The following DSC3 variants were observed in gnomAD, a reference collection of about 807,000 sequenced individuals.
DSC3 encodes the protein desmocollin-3.
In DSC3, 97 loss-of-function variants were observed where a neutral mutation model predicts 89.5. That is an observed-to-expected ratio of 1.08 (90% confidence interval 0.92 to 1.28). The LOEUF (loss-of-function observed/expected upper bound fraction) is 1.28. Among genes scored for constraint, DSC3 ranks in the 50% most tolerant of loss-of-function variants. The probability of loss-of-function intolerance (pLI) is 0.00; values close to 1 mark genes in which losing one functional copy is unlikely to be tolerated. For synonymous variants in DSC3, 436 were observed against 384.1 expected (o/e 1.14, Z -1.58); for missense variants, 1,199 against 1,085.3 (o/e 1.10, Z -1.47).
intron 4 of DSC3, among the ~76,000 whole-genome samples, chr18:31,026,604 G>T (rs572272539): frequency 1.4e-4 from 21 of 152,112 alleles, no homozygotes; most frequent in Admixed American, 5.9e-4. Context: ...ATAATTTAAA[G>T]GTACAGCCAT....
In DSC3 at chr18:31,039,669, A is replaced by G. The variant is rs117637918; in HGVS notation, c.69+2923T>C. ...TATCATACTTTCAGCGGAAAGTATG[A>G]TTAACTACAGGTCACCACAGATACC... On this transcript the variant is annotated intron_variant, in intron 1 of 15. Coordinates refer to ENST00000360428, the MANE Select transcript of DSC3 (RefSeq NM_001941.5). 7.8e-4 allele frequency among the ~76,000 whole-genome samples: 119 copies of G among 152,284 alleles called. 2 individuals are homozygous for G. In the East Asian group the frequency reaches 0.022, roughly 28 times the overall value.
rs917060863 is a variant in DSC3 at position 31,005,389 on chromosome 18, G to C, written c.1889-1023C>G. Reference sequence around the variant, plus strand: ...CCTTCATATTGTCCTCCTGTCAACAGTGTCACCTTTAAAAGATGTAAATCT... The same window carrying C: ...CCTTCATATTGTCCTCCTGTCAACACTGTCACCTTTAAAAGATGTAAATCT... On this transcript the variant is annotated intron_variant, in intron 12 of 15. Transcript: ENST00000360428. Among the ~76,000 whole-genome samples, 8 of 152,272 alleles carry C rather than the reference G, an allele frequency of 5.3e-5. No individual in the cohort carries two copies. In the East Asian group the frequency reaches 1.4e-3, roughly 26 times the overall value.
At chr18:31,008,774 T>A (rs1293148024) in intron 9 of DSC3, among the ~76,000 whole-genome samples, 1 of 152,194 alleles carries the variant, frequency 6.6e-6, no homozygotes, top group African/African-American at 2.4e-5. Context: ...TATTTTCATA[T>A]TTCACTCTTA....
chr18:31,006,446 C>T (rs1487280340), intron 12 of DSC3, among the ~76,000 whole-genome samples: 2 of 151,972 alleles, frequency 1.3e-5, no homozygotes, highest in East Asian at 3.9e-4. Flanking sequence ...ATTACAGGTG[C>T]CTGCCACCAC....
At chr18:31,001,783 T>C in intron 13 of DSC3, 44 bp from the exon 14 acceptor site, 2 of 1,413,764 alleles carry the variant, frequency 1.4e-6, no homozygotes, top group Non-Finnish European at 1.9e-6. Context: ...TTAGCATACA[T>C]AGAATAAAAT....
chr18:31,030,940 A>AG lies in DSC3; in HGVS notation c.354+32_354+33insC. On this transcript the variant is annotated intron_variant, in intron 3 of 15. Transcript: ENST00000360428. ...TTTAATAAGAGTATTTTAATGAAAA[A>AG]ATGACTGAAAATATTTAATGTACTT... is the stretch of plus-strand genomic sequence containing the variant. The AG allele has an allele frequency of 3.8e-6, 6 of 1,590,074 alleles. No individual in the cohort carries two copies. In the Admixed American group the frequency reaches 1.0e-4, roughly 27 times the overall value.
In DSC3 at chr18:31,002,386, C is replaced by G. The variant is rs117561774; in HGVS notation, c.2114-647G>C. 3.9e-4 allele frequency among the ~76,000 whole-genome samples: 59 copies of G among 152,206 alleles called. 1 individual carries two copies. In the East Asian group the frequency reaches 0.011, roughly 29 times the overall value. ...GTATTTTAAAATGGTTGAAAAAATT[C>G]AGAAGAATAAGAGTTTATAATGTGA... On this transcript the variant is annotated intron_variant, in intron 13 of 15. Coordinates refer to ENST00000360428, the MANE Select transcript of DSC3 (RefSeq NM_001941.5).
At chr18:31,016,419 G>C (rs1314238513) in intron 9 of DSC3, among the ~76,000 whole-genome samples, 1 of 152,220 alleles carries the variant, frequency 6.6e-6, no homozygotes, top group East Asian at 1.9e-4. Context: ...AGGAAGAGGG[G>C]AGAAGGGTGT....
At chr18:31,039,518 AT>A (rs1986069342) in intron 1 of DSC3, among the ~76,000 whole-genome samples, 1 of 152,194 alleles carries the variant, frequency 6.6e-6, no homozygotes, top group Non-Finnish European at 1.5e-5. Context: ...GAATGGAAAT[AT>A]TACCTTTCAA....
intron 9 of DSC3, among the ~76,000 whole-genome samples, chr18:31,013,366 A>G (rs2144701196): frequency 6.6e-6 from 1 of 152,242 alleles, no homozygotes; most frequent in East Asian, 1.9e-4. Flanking sequence ...AATGTAGAAG[A>G]ATTTCAGATA....
intron 2 of DSC3, 77 bp from the exon 3 acceptor site, chr18:31,031,249 T>C (rs1985783434): frequency 9.4e-7 from 1 of 1,064,860 alleles, no homozygotes; most frequent in Non-Finnish European, 1.4e-6. Context: ...TTATATAATA[T>C]TCTTAAAAAC....
intron 12 of DSC3, among the ~76,000 whole-genome samples, chr18:31,005,513 C>T (rs1984808426): frequency 6.6e-6 from 1 of 152,202 alleles, no homozygotes; most frequent in African/African-American, 2.4e-5. Flanking sequence ...AGGCCCTTCA[C>T]CACCAGATGC....
intron 13 of DSC3, among the ~76,000 whole-genome samples, chr18:31,002,360 T>C (rs1298049624): frequency 6.6e-6 from 1 of 152,198 alleles, no homozygotes. Flanking sequence ...GCTAAGACTT[T>C]GTATTTTAAA....
intron 9 of DSC3, among the ~76,000 whole-genome samples, chr18:31,008,829 C>T (rs960514491): frequency 6.6e-6 from 1 of 152,076 alleles, no homozygotes; most frequent in Non-Finnish European, 1.5e-5. Flanking sequence ...AAACAGATGA[C>T]AGTATTCTTA....
chr18:31,011,451 G>A (rs1422582860), intron 9 of DSC3, among the ~76,000 whole-genome samples: 1 of 151,628 alleles, frequency 6.6e-6, no homozygotes, highest in African/African-American at 2.4e-5. Flanking sequence ...TTAACTCTTT[G>A]AGGTATAAAG....
chr18:31,018,210 C>T lies in DSC3; in HGVS notation c.1124G>A (p.Arg375Gln), dbSNP rs267605145. 14 of 1,611,692 alleles carry T rather than the reference C, an allele frequency of 8.7e-6. No homozygotes were observed. Among genetic ancestry groups the T allele is most frequent in the South Asian group, 3.3e-5 (3 of 90,812 alleles). The change falls in exon 9 of 16, where the codon CGA becomes CAA. Residue 375 changes from arginine (R) to glutamine (Q), a missense_variant. Coordinates refer to ENST00000360428, the MANE Select transcript of DSC3 (RefSeq NM_001941.5). ...EENAFNVEILRIPIEDKDLIN... is the reference protein window; with the variant it reads ...EENAFNVEILQIPIEDKDLIN... ...TAAATCCTTATCTTCTATAGGTATT[C>T]GTAAGATTTCCACATTGAATGCATT... is the stretch of plus-strand genomic sequence containing the variant.
At chr18:30,996,070 C>T (rs1368958705) in intron 15 of DSC3, among the ~76,000 whole-genome samples, 2 of 148,176 alleles carry the variant, frequency 1.3e-5, no homozygotes, top group Non-Finnish European at 3.0e-5. Context: ...ATTTTAATTC[C>T]TTCTTTCTTT....
At chr18:31,011,517 C>G (rs150916368) in intron 9 of DSC3, among the ~76,000 whole-genome samples, 1 of 152,082 alleles carries the variant, frequency 6.6e-6, no homozygotes, top group Non-Finnish European at 1.5e-5. Context: ...AAGGAAGAAC[C>G]AGGGCATTGG....
chr18:31,029,478 G>A, intron 4 of DSC3, 31 bp downstream of exon 4: 1 of 1,613,104 alleles, frequency 6.2e-7, no homozygotes, highest in Non-Finnish European at 8.5e-7. Context: ...TAGAATTAAA[G>A]CAACCCTGAC....
Sources: gnomAD v4.1 joint callset for allele counts (sites outside exome capture counted in the v4.1 genomes callset) on GRCh38, gnomAD v4.1.1 for gene constraint, MANE v1.5 for transcripts, NCBI Gene and HGNC (gene_info 2026-07-23, HGNC 2026-07-21) for gene names.